Variants in CCDC15 observed in about 807,000 individuals in gnomAD.
The protein encoded by CCDC15 is coiled-coil domain containing 15, also known as coiled-coil domain-containing protein 15.
Under a neutral mutation model 114.5 loss-of-function variants are expected in CCDC15, and 105 were observed. That is an observed-to-expected ratio of 0.92 (90% CI 0.78 to 1.08). CCDC15 has a LOEUF of 1.08. Among genes scored for constraint, CCDC15 ranks in the 50% least tolerant of loss-of-function variants. The probability of loss-of-function intolerance (pLI) is 0.00; values close to 1 mark genes in which losing one functional copy is unlikely to be tolerated. For synonymous variants in CCDC15, 334 were observed against 377.8 expected, an observed-to-expected ratio of 0.88 and a Z score of 1.34; for missense variants, 1,105 against 1,093.6, an observed-to-expected ratio of 1.01 and a Z score of -0.15.
In CCDC15 at chr11:125,041,416, C is replaced by A. The variant is rs1466513351; in HGVS notation, c.*705C>A. On this transcript the variant is annotated 3_prime_UTR_variant, in exon 16 of 16. Transcript: ENST00000344762. ...TCAAAGTGAGTAAATTCCTTATTTC[C>A]CTATTTTTTAAAAACCTGGTATATG... The A allele has an allele frequency of 1.3e-5, 2 of 151,716 alleles. No individual in the cohort carries two copies. The highest frequency in any genetic ancestry group is 4.8e-5 in the African/African-American group (2 of 41,264). 9.4% of individuals were successfully genotyped at this position (151,716 alleles called of 1,614,324 possible).
chr11:124,966,767 C>A (rs1947791333), intron 4 of CCDC15, among the ~76,000 whole-genome samples: 1 of 152,186 alleles, frequency 6.6e-6, no homozygotes, highest in Admixed American at 6.5e-5. Flanking sequence ...CATGTTTTTG[C>A]AGTGGCTGGT....
At chr11:124,992,856 G>A (rs552204590) in intron 10 of CCDC15, among the ~76,000 whole-genome samples, 169 bp downstream of exon 10, 1 of 152,208 alleles carries the variant, frequency 6.6e-6, no homozygotes, top group Non-Finnish European at 1.5e-5. Context: ...ATTTCAAAAT[G>A]TGCCAGAATA....
intron 13 of CCDC15, among the ~76,000 whole-genome samples, chr11:125,031,125 C>T (rs547009046): frequency 6.6e-6 from 1 of 152,354 alleles, no homozygotes; most frequent in Admixed American, 6.5e-5. Context: ...AGTGCACAAC[C>T]AGGTGCATTG....
At chr11:125,012,033 G>T (rs1948596059) in intron 13 of CCDC15, among the ~76,000 whole-genome samples, 1 of 152,240 alleles carries the variant, frequency 6.6e-6, no homozygotes, top group Non-Finnish European at 1.5e-5. Context: ...TGCCCTGTAA[G>T]TGGTCACCCC....
chr11:124,986,834 G>A lies in CCDC15; in HGVS notation c.846G>A (p.Gln282=). The A allele has an allele frequency of 1.3e-6, 2 of 1,560,306 alleles. No homozygotes were observed. Among genetic ancestry groups the A allele is most frequent in the Non-Finnish European group, 1.7e-6 (2 of 1,151,210 alleles). ...AAGATTTGTTTGGGAGAGGCCAGCAGGACCAGCAGGCTATCCATTCTGAAG... is the reference window on the plus strand; with the variant it reads ...AAGATTTGTTTGGGAGAGGCCAGCAAGACCAGCAGGCTATCCATTCTGAAG... ...GKEDLFGRGQ[Q]DQQAIHSEDK... is the part of the protein sequence containing the mutation. The change falls in exon 7 of 16, where the codon CAG becomes CAA. Residue 282 remains glutamine (Q), a synonymous_variant. Transcript: ENST00000344762.
chr11:124,960,174 G>T (rs1947635036), intron 4 of CCDC15, among the ~76,000 whole-genome samples, 171 bp downstream of exon 4: 1 of 150,798 alleles, frequency 6.6e-6, no homozygotes. Flanking sequence ...GGGGAATAGT[G>T]GGATAATGCT....
chr11:124,980,391 G>A (rs528775407), intron 6 of CCDC15, among the ~76,000 whole-genome samples: 1 of 152,142 alleles, frequency 6.6e-6, no homozygotes, highest in African/African-American at 2.4e-5. Flanking sequence ...CTATGAATTT[G>A]TCTGGTCCTA....
rs538846152 is a variant in CCDC15 at position 124,988,753 on chromosome 11, A to G, written c.1908+619A>G. On this transcript the variant is annotated intron_variant, in intron 8 of 15. Transcript: ENST00000344762. ...TTGTCATTTTAACAATGTTCACAGT[A>G]GATTCCATCTCAAGAAAACACTTTC... Among the ~76,000 whole-genome samples the G allele has an allele frequency of 1.6e-4, 24 of 152,374 alleles. No individual in the cohort carries two copies. In the East Asian group the frequency reaches 4.0e-3, roughly 26 times the overall value.
At chr11:124,977,809 G>A (rs150039064) in intron 6 of CCDC15, among the ~76,000 whole-genome samples, 1 of 152,056 alleles carries the variant, frequency 6.6e-6, no homozygotes, top group Non-Finnish European at 1.5e-5. Flanking sequence ...TTGTGCAACT[G>A]TTACCACAAT....
At chr11:124,986,719 G>GCGGGGTGTTTTTTTTTTTTTT in intron 6 of CCDC15, 23 bp from the exon 7 acceptor site, 1 of 1,532,860 alleles carries the variant, frequency 6.5e-7, no homozygotes. Flanking sequence ...GCGCGTGCGC[G>GCGGGGTGTTTTTTTTTTTTTT]TTTTCATTGT....
rs1948298179 is a variant in CCDC15, at chr11:124,993,115, C to T, written c.2140-54C>T. 3 of 1,099,852 alleles carry T rather than the reference C, an allele frequency of 2.7e-6. No homozygotes were observed. In the South Asian group the frequency reaches 4.0e-5, roughly 15 times the overall value. The allele number at this position is 1,099,852 out of a possible 1,614,324, so 68.1% of individuals were successfully genotyped here. A position where few individuals can be genotyped will look rare whatever the true frequency, so the allele number is the denominator to read the frequency against. On this transcript the variant is annotated intron_variant, in intron 10 of 15. Transcript: ENST00000344762. ...GTCACTGAAGTCTATAATACTGTCA[C>T]TAGCCCGTCATTTCTGCTTAGACAA...
chr11:124,987,643 C>T lies in CCDC15; in HGVS notation c.1417C>T (p.Leu473=), dbSNP rs1948194390. Residue 473 remains leucine (L), a synonymous_variant, in exon 8 of 16, where the codon CTA becomes TTA. Coordinates refer to ENST00000344762, the MANE Select transcript of CCDC15 (RefSeq NM_025004.3). The part of the protein sequence containing the change: ...ILPKYQDQNF[L]PKDQNFLSRD... ...GCCAAAATATCAGGACCAGAATTTT[C>T]TACCTAAGGACCAGAATTTTTTATC... 2 of 1,613,694 alleles carry T rather than the reference C, an allele frequency of 1.2e-6. No homozygotes were observed.
At chr11:124,977,045 T>C (rs1261921130) in intron 5 of CCDC15, among the ~76,000 whole-genome samples, 2 of 152,258 alleles carry the variant, frequency 1.3e-5, no homozygotes, top group Admixed American at 6.5e-5. Context: ...AGTGGGAATT[T>C]GCAAATCAGA....
chr11:125,025,097 AAT>A lies in CCDC15; in HGVS notation c.2412-13327_2412-13326del, dbSNP rs199920199. 1.7e-4 allele frequency among the ~76,000 whole-genome samples: 21 copies of A among 124,364 alleles called. No individual in the cohort carries two copies. The South Asian group carries it at 3.5e-3, about 21-fold the overall frequency. 81.6% of individuals were successfully genotyped at this position (124,364 alleles called of 152,430 possible). On this transcript the variant is annotated intron_variant, in intron 13 of 15. Coordinates refer to ENST00000344762, the MANE Select transcript of CCDC15 (RefSeq NM_025004.3). Reference sequence around the variant, plus strand: ...ATGAATATATATGAATATATATATGAATATATATGAATATATGTGAGTATATA... The same window carrying A: ...ATGAATATATATGAATATATATATGAATATATGAATATATGTGAGTATATA...
intron 1 of CCDC15, 38 bp from the exon 2 acceptor site, chr11:124,954,686 C>A: frequency 1.3e-6 from 2 of 1,589,858 alleles, no homozygotes; most frequent in South Asian, 2.2e-5. Flanking sequence ...TTAATGCAGT[C>A]ATTTGAAGAT....
At chr11:124,971,123 G>A (rs1007664797) in intron 4 of CCDC15, among the ~76,000 whole-genome samples, 1 of 152,178 alleles carries the variant, frequency 6.6e-6, no homozygotes, top group Non-Finnish European at 1.5e-5. Context: ...AAGGCACTGT[G>A]ATTGGTTGTC....
At chr11:124,965,861 AAAGAATATC>A (rs1354421636) in intron 4 of CCDC15, among the ~76,000 whole-genome samples, 14 of 152,292 alleles carry the variant, frequency 9.2e-5, no homozygotes, top group Admixed American at 8.5e-4. Context: ...CATTGGTTTC[AAAGAATATC>A]TTTATTTCTG....
intron 13 of CCDC15, among the ~76,000 whole-genome samples, chr11:125,009,714 C>T (rs961441435): frequency 6.6e-6 from 1 of 151,982 alleles, no homozygotes; most frequent in Non-Finnish European, 1.5e-5. Flanking sequence ...TCTACGTGTA[C>T]CTAAAGTTTA....
In CCDC15 at chr11:124,959,151, C is replaced by A; in HGVS notation, c.214C>A (p.Gln72Lys). 6.3e-7 allele frequency: 1 copy of A among 1,581,620 alleles called. No individual in the cohort carries two copies. The highest frequency in any genetic ancestry group is 1.8e-5 in the Admixed American group (1 of 54,330). The change falls in exon 3 of 16, where the codon CAG becomes AAG. Residue 72 changes from glutamine to lysine, a missense_variant. Physicochemically the swap from Gln to Lys is moderately conservative, Grantham distance 53. Coordinates refer to ENST00000344762, the MANE Select transcript of CCDC15 (RefSeq NM_025004.3). ...AYLIEEELKEQLRKKQEALKH... is the reference protein window; with the variant it reads ...AYLIEEELKEKLRKKQEALKH... ...TTTAATTGAAGAAGAACTAAAGGAA[C>A]AGCTAAGAAAAAAACAAGAAGCTTT...
Sources: gnomAD v4.1 joint callset for allele counts (sites outside exome capture counted in the v4.1 genomes callset) on GRCh38, gnomAD v4.1.1 for gene constraint, MANE v1.5 for transcripts, NCBI Gene and HGNC (gene_info 2026-07-23, HGNC 2026-07-21) for gene names.